ZFAT: variants seen among roughly 807,000 people sequenced by gnomAD.
ZFAT encodes zinc finger protein ZFAT.
A neutral mutation model predicts 117.7 loss-of-function variants in ZFAT; 64 were observed. The ratio of observed to expected loss-of-function variants is 0.54; its 90% CI spans 0.44 to 0.67. The LOEUF is 0.67. Among genes scored for constraint, ZFAT ranks in the 30% least tolerant of loss-of-function variants. The pLI is 0.00. For missense variants in ZFAT, 1,433 were observed against 1,584.5 expected (o/e 0.90, Z 1.62); for synonymous variants, 679 against 615.0 (o/e 1.10, Z -1.54).
chr8:134,750,077 A>G, the ZFAT span, among the ~76,000 whole-genome samples: 1 of 152,242 alleles, frequency 6.6e-6, no homozygotes. Context: ...TTTCGGAGGA[A>G]CAAACATTTT....
the ZFAT span, among the ~76,000 whole-genome samples, chr8:134,829,329 C>T: frequency 1.3e-5 from 2 of 152,214 alleles, no homozygotes; most frequent in African/African-American, 4.8e-5. Context: ...TCTTCTTCTT[C>T]CAACGTGGCC....
chr8:134,627,932 A>T (rs1317784683), intron 3 of ZFAT, among the ~76,000 whole-genome samples: 5 of 152,210 alleles, frequency 3.3e-5, no homozygotes, highest in African/African-American at 1.2e-4. Context: ...CCGTGGTGCA[A>T]GTGTGGATTC....
chr8:134,599,851 T>C, intron 7 of ZFAT: 1 of 451,114 alleles, frequency 2.2e-6, no homozygotes, highest in South Asian at 1.6e-5. Flanking sequence ...TACAAGATCC[T>C]CCACCAAAGA....
At chr8:134,544,243 G>A (rs895921387) in intron 11 of ZFAT, among the ~76,000 whole-genome samples, 1 of 152,184 alleles carries the variant, frequency 6.6e-6, no homozygotes, top group Non-Finnish European at 1.5e-5. Flanking sequence ...TTTGAGAGTA[G>A]AGTCCACATC....
intron 6 of ZFAT, 70 bp downstream of exon 6, chr8:134,601,407 A>C: frequency 1.3e-6 from 2 of 1,528,106 alleles, no homozygotes; most frequent in Non-Finnish European, 1.8e-6. Context: ...CATGAGCTCA[A>C]ATCAAATGCG....
chr8:134,619,479 G>C (rs1034703908), intron 3 of ZFAT, among the ~76,000 whole-genome samples: 1 of 152,046 alleles, frequency 6.6e-6, no homozygotes, highest in South Asian at 2.1e-4. Context: ...CACACAAACA[G>C]TCCCTACTGA....
chr8:134,633,900 G>A (rs1830043476), intron 3 of ZFAT, among the ~76,000 whole-genome samples: 1 of 152,118 alleles, frequency 6.6e-6, no homozygotes, highest in Non-Finnish European at 1.5e-5. Context: ...CAAAAAATTA[G>A]CCGGGCGTGG....
intron 5 of ZFAT, among the ~76,000 whole-genome samples, chr8:134,607,639 A>G (rs1209033601): frequency 2.6e-5 from 4 of 152,238 alleles, no homozygotes; most frequent in African/African-American, 7.2e-5. Flanking sequence ...TCTAGAGCCA[A>G]CCTAGGTCTA....
the ZFAT span, among the ~76,000 whole-genome samples, chr8:134,737,769 T>C: frequency 6.6e-6 from 1 of 152,160 alleles, no homozygotes; most frequent in African/African-American, 2.4e-5. Flanking sequence ...TCATGGGTGG[T>C]GACATAAGGC....
intron 1 of ZFAT, among the ~76,000 whole-genome samples, chr8:134,671,857 A>T (rs1156994401): frequency 1.3e-5 from 2 of 152,208 alleles, no homozygotes; most frequent in Non-Finnish European, 2.9e-5. Context: ...AGAAAACCCC[A>T]TTGTCTCAGC....
At chr8:134,542,439 A>G (rs1045514177) in intron 11 of ZFAT, among the ~76,000 whole-genome samples, 5 of 152,102 alleles carry the variant, frequency 3.3e-5, no homozygotes, top group African/African-American at 1.2e-4. Context: ...TAGTTTTTCA[A>G]TCCTCATCCT....
At chr8:134,489,275 C>G (rs2130112875) in intron 15 of ZFAT, among the ~76,000 whole-genome samples, 2 of 152,098 alleles carry the variant, frequency 1.3e-5, no homozygotes, top group South Asian at 4.1e-4. Context: ...CTGAACACAG[C>G]AAGAGGGTGC....
the ZFAT span, among the ~76,000 whole-genome samples, chr8:134,823,451 C>T: frequency 2.0e-5 from 3 of 152,130 alleles, no homozygotes; most frequent in African/African-American, 7.2e-5. Context: ...TGCTTATATA[C>T]ATTAATTCCT....
chr8:134,666,253 A>T (rs1832210768), intron 1 of ZFAT, among the ~76,000 whole-genome samples: 1 of 152,138 alleles, frequency 6.6e-6, no homozygotes, highest in Non-Finnish European at 1.5e-5. Flanking sequence ...CTGAGTGGGG[A>T]ACCTAAACTT....
intron 15 of ZFAT, among the ~76,000 whole-genome samples, chr8:134,487,010 G>A (rs564101931): frequency 6.6e-6 from 1 of 152,280 alleles, no homozygotes; most frequent in African/African-American, 2.4e-5. Flanking sequence ...GCATGTATAT[G>A]GGTCTGTATG....
intron 1 of ZFAT, among the ~76,000 whole-genome samples, chr8:134,702,333 G>A (rs1361715969): frequency 1.3e-5 from 2 of 152,134 alleles, no homozygotes; most frequent in Non-Finnish European, 1.5e-5. Context: ...CATTTTTCTT[G>A]GAATAGGATT....
intron 7 of ZFAT, among the ~76,000 whole-genome samples, chr8:134,592,557 C>A (rs1444722319): frequency 6.6e-6 from 1 of 152,150 alleles, no homozygotes; most frequent in African/African-American, 2.4e-5. Flanking sequence ...AAAAACAATG[C>A]CTCCTTCACA....
intron 1 of ZFAT, chr8:134,696,667 A>T (rs1470585663): frequency 3.1e-6 from 3 of 954,638 alleles, no homozygotes; most frequent in Admixed American, 1.2e-4. Context: ...CTGCCGCCAC[A>T]GAGGCTCTGA....
intron 2 of ZFAT, among the ~76,000 whole-genome samples, chr8:134,644,456 A>G (rs1189878654): frequency 6.6e-6 from 1 of 152,092 alleles, no homozygotes; most frequent in African/African-American, 2.4e-5. Flanking sequence ...ACATGCTCAT[A>G]CACACCCATA....
Sources: allele counts gnomAD v4.1 joint callset (sites outside exome capture counted in the v4.1 genomes callset), GRCh38; gene constraint gnomAD v4.1.1; transcripts MANE v1.5; gene names NCBI Gene and HGNC (gene_info 2026-07-23, HGNC 2026-07-21).